ADGRL2: variants seen among roughly 807,000 people sequenced by gnomAD.
ADGRL2 encodes calcium-independent alpha-latrotoxin receptor 2.
A neutral mutation model predicts 157.4 loss-of-function variants in ADGRL2; 44 were observed. The ratio of observed to expected loss-of-function variants is 0.28; its 90% CI spans 0.22 to 0.36. The LOEUF is 0.36. Among genes scored for constraint, ADGRL2 ranks in the 10% least tolerant of loss-of-function variants. The probability of loss-of-function intolerance (pLI) is 1.00; values close to 1 mark genes in which losing one functional copy is unlikely to be tolerated. For synonymous variants in ADGRL2, 585 were observed against 624.7 expected (o/e 0.94, Z 0.95); for missense variants, 1,510 against 1,768.9 (o/e 0.85, Z 2.63).
intron 2 of ADGRL2, among the ~76,000 whole-genome samples, chr1:81,577,205 C>T (rs1042349651): frequency 1.3e-5 from 2 of 152,146 alleles, no homozygotes; most frequent in East Asian, 1.9e-4. Flanking sequence ...GAGTTGGAAA[C>T]GTCATGATGT....
At chr1:81,669,741 G>C (rs969983172) in intron 3 of ADGRL2, among the ~76,000 whole-genome samples, 1 of 151,980 alleles carries the variant, frequency 6.6e-6, no homozygotes, top group Non-Finnish European at 1.5e-5. Flanking sequence ...AGGAGATCGA[G>C]ACCATCCTGG....
chr1:81,392,164 C>T (rs2076571083), intron 1 of ADGRL2, among the ~76,000 whole-genome samples: 5 of 151,828 alleles, frequency 3.3e-5, no homozygotes, highest in Admixed American at 3.3e-4. Flanking sequence ...ATTGCTATCT[C>T]TACACCATGT....
At chr1:81,900,548 G>T (rs2094467528) in intron 2 of ADGRL2, among the ~76,000 whole-genome samples, 1 of 151,690 alleles carries the variant, frequency 6.6e-6, no homozygotes, top group African/African-American at 2.4e-5. Flanking sequence ...AAAAAAAAAT[G>T]GGGAAAACCT....
intron 3 of ADGRL2, among the ~76,000 whole-genome samples, chr1:81,632,247 A>C (rs1367854843): frequency 1.3e-5 from 2 of 152,228 alleles, no homozygotes; most frequent in African/African-American, 4.8e-5. Context: ...AGTAGTGGTA[A>C]AAGTTATGAA....
intron 2 of ADGRL2, among the ~76,000 whole-genome samples, chr1:81,496,078 G>A (rs2078723950): frequency 6.6e-6 from 1 of 152,130 alleles, no homozygotes; most frequent in Admixed American, 6.5e-5. Context: ...ATATTAAATA[G>A]AGAAGAGCTA....
chr1:81,483,106 A>G (rs1206579499), intron 2 of ADGRL2, among the ~76,000 whole-genome samples: 2 of 152,142 alleles, frequency 1.3e-5, no homozygotes, highest in Non-Finnish European at 2.9e-5. Context: ...AGACTCACCA[A>G]TAGAAGAACT....
Position 81,587,682 on chromosome 1 carries a change from G to A in ADGRL2, c.-143+6702G>A, listed in dbSNP as rs529661454. 2.6e-5 allele frequency among the ~76,000 whole-genome samples: 4 copies of A among 152,226 alleles called. No individual in the cohort carries two copies. The South Asian group carries it at 8.3e-4, about 32-fold the overall frequency. ...GTCACCAAAATGTTTAAGCAGGGGA[G>A]TAACATGATAAGAATCGTGCTTTAA... is the stretch of plus-strand genomic sequence containing the variant. On this transcript the variant is annotated intron_variant, in intron 3 of 24. Coordinates refer to the ADGRL2 transcript ENST00000370721.
chr1:81,778,050 G>T (rs867110217), intron 2 of ADGRL2, among the ~76,000 whole-genome samples: 1 of 152,148 alleles, frequency 6.6e-6, no homozygotes, highest in South Asian at 2.1e-4. Flanking sequence ...GTCAGGCGCG[G>T]TGGCTCACGC....
At chr1:81,570,770 A>G (rs913561902) in intron 2 of ADGRL2, among the ~76,000 whole-genome samples, 1 of 152,172 alleles carries the variant, frequency 6.6e-6, no homozygotes, top group Admixed American at 6.6e-5. Flanking sequence ...ATATCCAAAG[A>G]GAGATCTTTA....
intron 1 of ADGRL2, among the ~76,000 whole-genome samples, chr1:81,330,502 T>G (rs888054325): frequency 2.0e-5 from 3 of 152,196 alleles, no homozygotes; most frequent in Non-Finnish European, 4.4e-5. Flanking sequence ...TAATGTATCT[T>G]ACTTGATCAG....
intron 2 of ADGRL2, among the ~76,000 whole-genome samples, chr1:81,771,420 G>A (rs1161775012): frequency 6.6e-6 from 1 of 152,070 alleles, no homozygotes; most frequent in Non-Finnish European, 1.5e-5. Context: ...AAGTCACAAA[G>A]CCCAGGGCTT....
chr1:81,490,821 A>G (rs2078615984), intron 2 of ADGRL2, among the ~76,000 whole-genome samples: 1 of 152,216 alleles, frequency 6.6e-6, no homozygotes, highest in Non-Finnish European at 1.5e-5. Context: ...TATGCACATT[A>G]AAAGGCATGC....
chr1:81,373,230 C>T (rs1368917140), intron 1 of ADGRL2, among the ~76,000 whole-genome samples: 7 of 152,170 alleles, frequency 4.6e-5, no homozygotes, highest in African/African-American at 1.7e-4. Flanking sequence ...ATTGTTCCTG[C>T]TTTAGTCCTC....
At chr1:81,561,930 T>G (rs184532792) in intron 2 of ADGRL2, among the ~76,000 whole-genome samples, 56 of 152,298 alleles carry the variant, frequency 3.7e-4, no homozygotes, top group African/African-American at 1.2e-3. Flanking sequence ...CAGCCAAATC[T>G]TCATGCCTTT....
At position 81,360,529 on chromosome 1, in the gene ADGRL2, T is replaced by G. The variant is rs116742755; in HGVS notation, c.-302+54020T>G. Among the ~76,000 whole-genome samples, 559 of 152,118 alleles carry G rather than the reference T, an allele frequency of 3.7e-3. 3 individuals are homozygous for G. The highest frequency in any genetic ancestry group is 0.012 in the African/African-American group (499 of 41,558). On this transcript the variant is annotated intron_variant, in intron 1 of 24. Transcript: ENST00000370721. ...TTATGAATATCTTACTCATCCAAAT[T>G]GTTCTCTACAATTTTATGCAGGTTC...
intron 4 of ADGRL2, among the ~76,000 whole-genome samples, chr1:81,940,846 T>G (rs192615756): frequency 6.6e-6 from 1 of 151,562 alleles, no homozygotes; most frequent in Admixed American, 6.6e-5. Flanking sequence ...TATTTTATGG[T>G]TTGTAAGTAT....
At chr1:81,802,293 G>C (rs1039515137) in intron 1 of ADGRL2, among the ~76,000 whole-genome samples, 3 of 152,048 alleles carry the variant, frequency 2.0e-5, no homozygotes, top group African/African-American at 7.2e-5. Context: ...TTTGCTTTGC[G>C]CCTCCAGTCC....
intron 2 of ADGRL2, among the ~76,000 whole-genome samples, chr1:81,838,113 A>G (rs1278414908): frequency 6.6e-6 from 1 of 152,056 alleles, no homozygotes; most frequent in Non-Finnish European, 1.5e-5. Flanking sequence ...CTGTCAACTA[A>G]TAGAAGTGTA....
intron 1 of ADGRL2, among the ~76,000 whole-genome samples, chr1:81,438,393 TA>T (rs1266919190): frequency 6.6e-6 from 1 of 152,210 alleles, no homozygotes; most frequent in Non-Finnish European, 1.5e-5. Context: ...CATCACTTCC[TA>T]ATTATTCTAG....
Sources: allele counts gnomAD v4.1 joint callset (sites outside exome capture counted in the v4.1 genomes callset), GRCh38; gene constraint gnomAD v4.1.1; transcripts MANE v1.5; gene names NCBI Gene and HGNC (gene_info 2026-07-23, HGNC 2026-07-21).